Variants in ROBO2 observed in about 807,000 individuals in gnomAD.
ROBO2 encodes roundabout guidance receptor 2.
ROBO2 carries 53 observed loss-of-function variants against 160.8 expected under a neutral mutation model. That is an observed-to-expected ratio of 0.33 (90% CI 0.26 to 0.41). The LOEUF is 0.41. ROBO2 is among the 10% of genes least tolerant of loss of function. The probability of loss-of-function intolerance (pLI) is 1.00; values close to 1 mark genes in which losing one functional copy is unlikely to be tolerated. For missense variants in ROBO2, 1,577 were observed against 1,722.4 expected (o/e 0.92, Z 1.49); for synonymous variants, 664 against 611.7 (o/e 1.09, Z -1.26).
At chr3:76,603,351 AATATATATAT>A (rs71104603) in intron 2 of ROBO2, among the ~76,000 whole-genome samples, 147 of 26,340 alleles carry the variant, frequency 5.6e-3, no homozygotes, top group Middle Eastern at 0.033. Flanking sequence ...AAAAAAAAAA[AATATATATAT>A]ATATATATAT....
chr3:76,056,934 T>G (rs1559873871), intron 2 of ROBO2, among the ~76,000 whole-genome samples: 1 of 152,170 alleles, frequency 6.6e-6, no homozygotes, highest in African/African-American at 2.4e-5. Flanking sequence ...AGCTAAAAGT[T>G]ATGGTCCTTT....
chr3:76,351,480 G>A (rs1487486604), intron 2 of ROBO2, among the ~76,000 whole-genome samples: 1 of 151,954 alleles, frequency 6.6e-6, no homozygotes, highest in Non-Finnish European at 1.5e-5. Context: ...TGGATATTGT[G>A]ATTTACCACA....
intron 20 of ROBO2, among the ~76,000 whole-genome samples, chr3:77,605,967 T>C (rs564251644): frequency 5.9e-4 from 90 of 152,306 alleles, no homozygotes; most frequent in African/African-American, 1.9e-3. Context: ...CTTTTAATCA[T>C]TGAAACCGAG....
chr3:76,116,237 T>G (rs188559985), intron 2 of ROBO2, among the ~76,000 whole-genome samples: 1 of 152,242 alleles, frequency 6.6e-6, no homozygotes, highest in African/African-American at 2.4e-5. Context: ...GATCTTCTAT[T>G]ACATGTATAC....
intron 2 of ROBO2, among the ~76,000 whole-genome samples, chr3:77,423,437 G>A (rs1471228230): frequency 6.6e-6 from 1 of 152,040 alleles, no homozygotes; most frequent in East Asian, 1.9e-4. Flanking sequence ...CAATTATTAA[G>A]GTTATACTAG....
chr3:77,258,481 G>A (rs1296073849), intron 2 of ROBO2, among the ~76,000 whole-genome samples: 2 of 151,932 alleles, frequency 1.3e-5, no homozygotes, highest in African/African-American at 4.8e-5. Flanking sequence ...AGATTAGCTG[G>A]CCATGGTGGT....
chr3:77,365,499 G>C (rs1489524593), intron 2 of ROBO2, among the ~76,000 whole-genome samples: 2 of 151,998 alleles, frequency 1.3e-5, no homozygotes, highest in Admixed American at 1.3e-4. Flanking sequence ...GTAGATTATT[G>C]GTCCCTTCAG....
intron 2 of ROBO2, among the ~76,000 whole-genome samples, chr3:76,368,389 G>A (rs749939453): frequency 3.1e-4 from 47 of 151,942 alleles, no homozygotes; most frequent in Non-Finnish European, 5.3e-4. Flanking sequence ...TCAGCTGGGT[G>A]ATTTTTTTTA....
chr3:77,027,245 A>G (rs1013671463), intron 2 of ROBO2, among the ~76,000 whole-genome samples: 12 of 152,186 alleles, frequency 7.9e-5, no homozygotes, highest in African/African-American at 2.9e-4. Context: ...GACAATGGTG[A>G]TGACAACATC....
intron 2 of ROBO2, among the ~76,000 whole-genome samples, chr3:76,599,071 T>TA (rs1383506533): frequency 1.3e-4 from 20 of 152,118 alleles, no homozygotes; most frequent in Non-Finnish European, 2.4e-4. Flanking sequence ...AACAAAAATT[T>TA]AAAAAAAATT....
chr3:77,188,983 G>GAGAT (rs141611728), intron 2 of ROBO2, among the ~76,000 whole-genome samples: 1 of 148,370 alleles, frequency 6.7e-6, no homozygotes, highest in African/African-American at 2.5e-5. Flanking sequence ...GAGAGAGAGA[G>GAGAT]AGAGAGAGAG....
At chr3:76,834,780 A>G (rs2067528564) in intron 2 of ROBO2, among the ~76,000 whole-genome samples, 1 of 152,286 alleles carries the variant, frequency 6.6e-6, no homozygotes, top group South Asian at 2.1e-4. Flanking sequence ...TAAGGAGTAA[A>G]TAGCTATAGC....
At chr3:77,015,283 G>T (rs2062169342) in intron 2 of ROBO2, among the ~76,000 whole-genome samples, 1 of 152,126 alleles carries the variant, frequency 6.6e-6, no homozygotes, top group African/African-American at 2.4e-5. Flanking sequence ...GTTATTAGCG[G>T]TGTCACTTCT....
At chr3:76,835,809 T>C (rs1485112487) in intron 2 of ROBO2, among the ~76,000 whole-genome samples, 1 of 152,034 alleles carries the variant, frequency 6.6e-6, no homozygotes, top group Non-Finnish European at 1.5e-5. Flanking sequence ...TCCTAGAGAA[T>C]AAATTACGTT....
At chr3:76,237,543 T>C (rs1705017936) in intron 2 of ROBO2, among the ~76,000 whole-genome samples, 1 of 152,172 alleles carries the variant, frequency 6.6e-6, no homozygotes, top group Non-Finnish European at 1.5e-5. Flanking sequence ...TGAGACTTCC[T>C]GACTGTTCAA....
chr3:76,878,432 T>C (rs558930395), intron 2 of ROBO2, among the ~76,000 whole-genome samples: 2 of 152,330 alleles, frequency 1.3e-5, no homozygotes, highest in South Asian at 2.1e-4. Flanking sequence ...TGGTATGTAA[T>C]TGGCTTAAAA....
chr3:77,318,345 T>C (rs1439789943), intron 2 of ROBO2, among the ~76,000 whole-genome samples: 1 of 152,202 alleles, frequency 6.6e-6, no homozygotes, highest in East Asian at 1.9e-4. Context: ...GTAATGTAGT[T>C]TTATGACTGA....
At chr3:77,226,523 G>A (rs1177880235) in intron 2 of ROBO2, among the ~76,000 whole-genome samples, 2 of 152,006 alleles carry the variant, frequency 1.3e-5, no homozygotes, top group South Asian at 2.1e-4. Context: ...GTATAAAGAT[G>A]AGCTGAAGTA....
chr3:77,436,414 A>G (rs2079294891), intron 2 of ROBO2, among the ~76,000 whole-genome samples: 4 of 151,850 alleles, frequency 2.6e-5, no homozygotes, highest in Admixed American at 2.0e-4. Context: ...TAGTATAGCT[A>G]TGGAAAAATA....
Sources: allele counts gnomAD v4.1 joint callset (sites outside exome capture counted in the v4.1 genomes callset), GRCh38; gene constraint gnomAD v4.1.1; transcripts MANE v1.5; gene names NCBI Gene and HGNC (gene_info 2026-07-23, HGNC 2026-07-21).